BSN: variants seen among roughly 807,000 people sequenced by gnomAD.
BSN encodes bassoon presynaptic cytomatrix protein, also known as protein bassoon.
Under a neutral mutation model 264.8 loss-of-function variants are expected in BSN, and 57 were observed. That is an observed-to-expected ratio of 0.22 (90% confidence interval 0.17 to 0.27). BSN has a LOEUF of 0.27. Ranked by LOEUF, BSN falls within the 10% of genes least tolerant of loss-of-function variation. The probability of loss-of-function intolerance (pLI) is 1.00; values close to 1 mark genes in which losing one functional copy is unlikely to be tolerated. For synonymous variants in BSN, 2,059 were observed against 2,137.3 expected (o/e 0.96, Z 1.01); for missense variants, 4,615 against 5,232.5 (o/e 0.88, Z 3.64).
chr3:49,655,959 C>G lies in BSN; in HGVS notation c.6403C>G (p.Leu2135Val). The part of the protein sequence containing the change: ...VQYQPQHGPG[L>V]SAPQSLVPLR... ...GTACCAGCCCCAGCACGGGCCCGGG[C>G]TCAGTGCTCCACAGAGTCTGGTTCC... The change falls in exon 5 of 12, where the codon CTC becomes GTC. Residue 2135 changes from leucine (L) to valine (V), a missense_variant. Leu to Val is a conservative substitution (Grantham distance 32). This residue lies in a region of BSN where 3,415 missense variants were observed against 3,866.4 expected (regional missense o/e 0.88). Transcript: ENST00000296452. The G allele has an allele frequency of 6.2e-7, 1 of 1,610,340 alleles. No individual in the cohort carries two copies. Among genetic ancestry groups the G allele is most frequent in the Non-Finnish European group, 8.5e-7 (1 of 1,179,690 alleles).
chr3:49,655,622 C>T lies in BSN; in HGVS notation c.6066C>T (p.Ser2022=), dbSNP rs768307599. Residue 2022 remains serine (S), a synonymous_variant, in exon 5 of 12, where the codon TCC becomes TCT. Transcript: ENST00000296452. ...SAMDLSSLKH[S]YSLGFADGRY... ...TGGACCTCAGCTCACTGAAGCACTC[C>T]TACAGCCTGGGCTTTGCGGATGGAC... 12 of 1,613,614 alleles carry T rather than the reference C, an allele frequency of 7.4e-6. No individual in the cohort carries two copies. Among genetic ancestry groups the T allele is most frequent in the Non-Finnish European group, 1.0e-5 (12 of 1,180,006 alleles).
At chr3:49,565,571 C>A (rs886503208) in intron 1 of BSN, among the ~76,000 whole-genome samples, 1 of 152,108 alleles carries the variant, frequency 6.6e-6, no homozygotes, top group Non-Finnish European at 1.5e-5. Context: ...CCACCCGCCT[C>A]GGCCTCCCAA....
chr3:49,600,978 A>T (rs2052068950), intron 1 of BSN, among the ~76,000 whole-genome samples: 1 of 152,168 alleles, frequency 6.6e-6, no homozygotes, highest in South Asian at 2.1e-4. Context: ...GGAGCCAGTG[A>T]CAGAGGTGAC....
rs763800329 is a variant in BSN, at chr3:49,624,967, C to A, written c.225-8C>A. 1 of 1,502,764 alleles carries A rather than the reference C, an allele frequency of 6.7e-7. No homozygotes were observed. The highest frequency in any genetic ancestry group is 2.4e-5 in the Admixed American group (1 of 42,070). 93.1% of individuals were successfully genotyped at this position (1,502,764 alleles called of 1,614,324 possible). A position where few individuals can be genotyped will look rare whatever the true frequency, so the allele number is the denominator to read the frequency against. ...TATCTCTAACAGTCATTTTCAATGT[C>A]ATTTCAGCACTTCCCGGAGACTGGA... On this transcript the variant is annotated splice_region_variant and splice_polypyrimidine_tract_variant and intron_variant, in intron 1 of 11. Transcript: ENST00000296452.
Position 49,670,216 on chromosome 3 carries a change from C to T in BSN, c.*2731C>T, listed in dbSNP as rs1383633410. 3 of 152,326 alleles carry T rather than the reference C, an allele frequency of 2.0e-5. No homozygotes were observed. The highest frequency in any genetic ancestry group is 6.5e-5 in the Admixed American group (1 of 15,280). 9.4% of individuals were successfully genotyped at this position (152,326 alleles called of 1,614,324 possible). On this transcript the variant is annotated 3_prime_UTR_variant, in exon 12 of 12. Transcript: ENST00000296452. ...AGCAAGGGCTGAGGGAAGCCATCAC[C>T]TAACACCTCTGGCCACCCAGGACCA...
intron 1 of BSN, among the ~76,000 whole-genome samples, chr3:49,581,706 C>A (rs1397549503): frequency 6.6e-6 from 1 of 152,080 alleles, no homozygotes; most frequent in East Asian, 1.9e-4. Flanking sequence ...CGCCTGTAGT[C>A]CCAGCTACTT....
chr3:49,575,614 TGTATATATATA>T lies in BSN; in HGVS notation c.224+20799_224+20809del, dbSNP rs571564859. On this transcript the variant is annotated intron_variant, in intron 1 of 11. Transcript: ENST00000296452. ...AGTCAAATATATATACATATATATG[TGTATATATATA>T]GTATATATATGTATATATATGTGTG... Among the ~76,000 whole-genome samples, 38 of 139,938 alleles carry T rather than the reference TGTATATATATA, an allele frequency of 2.7e-4. No homozygotes were observed. In the South Asian group the frequency reaches 3.3e-3, roughly 12 times the overall value. The allele number at this position is 139,938 out of a possible 152,430, so 91.8% of individuals were successfully genotyped here.
At position 49,653,327 on chromosome 3, in the gene BSN, C is replaced by T. The variant is rs201055579; in HGVS notation, c.3771C>T (p.Tyr1257=). 46 of 1,611,914 alleles carry T rather than the reference C, an allele frequency of 2.9e-5. No homozygotes were observed. The highest frequency in any genetic ancestry group is 3.6e-5 in the Non-Finnish European group (43 of 1,179,326). The change falls in exon 5 of 12, where the codon TAC becomes TAT. Residue 1257 remains tyrosine, a synonymous_variant. Coordinates refer to ENST00000296452, the MANE Select transcript of BSN (RefSeq NM_003458.4). The surrounding 1 kb of genome is among the most constrained non-coding windows in gnomAD (Gnocchi z 6.3). ...GTPASLGAAV[Y]EEILQTSQSI... Reference sequence around the variant, plus strand: ...CAGCCAGCCTGGGAGCAGCCGTGTACGAAGAAATCCTTCAGACATCACAGA... The same window carrying T: ...CAGCCAGCCTGGGAGCAGCCGTGTATGAAGAAATCCTTCAGACATCACAGA...
rs770112031 is a variant in BSN at position 49,642,801 on chromosome 3, T to A, written c.1167T>A (p.Asn389Lys). 1 of 1,613,270 alleles carries A rather than the reference T, an allele frequency of 6.2e-7. No individual in the cohort carries two copies. Residue 389 changes from asparagine to lysine, a missense_variant, in exon 3 of 12, where the codon AAT becomes AAA. Around this residue, in one of 3 missense-constraint regions of BSN, gnomAD observed 1,197 missense variants for 1,348.0 expected, o/e 0.89. Coordinates refer to ENST00000296452, the MANE Select transcript of BSN (RefSeq NM_003458.4). The surrounding 1 kb of genome is among the most constrained non-coding windows in gnomAD (Gnocchi z 7.0). Reference sequence around the variant, plus strand: ...AGGGGACACCTAAGATCGTCTTCAATGATGCCAGCAAGGAGGCTGGCCCAA... The same window carrying A: ...AGGGGACACCTAAGATCGTCTTCAAAGATGCCAGCAAGGAGGCTGGCCCAA... ...PSKGTPKIVF[N>K]DASKEAGPKP...
chr3:49,617,629 C>T (rs2052271254), intron 1 of BSN, among the ~76,000 whole-genome samples: 1 of 152,144 alleles, frequency 6.6e-6, no homozygotes. Flanking sequence ...CTTCTTTCTC[C>T]TGCCCAGCGG....
chr3:49,554,689 C>CGGGCCG lies in BSN; in HGVS notation c.89_90insGCCGGG (p.Pro31_Gly32dup). 2.8e-6 allele frequency: 3 copies of CGGGCCG among 1,082,202 alleles called. No homozygotes were observed. The highest frequency in any genetic ancestry group is 3.4e-6 in the Non-Finnish European group (3 of 890,654). The allele number at this position is 1,082,202 out of a possible 1,614,324, so 67.0% of individuals were successfully genotyped here. Reference sequence around the variant, plus strand: ...CCGGCCCCGGCCCGGGCCCCGGCCCCGGCCCCGGCGCAGGAAAGCCGCCTT... The same window carrying CGGGCCG: ...CCGGCCCCGGCCCGGGCCCCGGCCCCGGGCCGGGCCCCGGCGCAGGAAAGCCGCCTT... On this transcript the variant is annotated inframe_insertion, in exon 1 of 12. Coordinates refer to ENST00000296452, the MANE Select transcript of BSN (RefSeq NM_003458.4).
At chr3:49,564,537 C>A (rs1336249126) in intron 1 of BSN, among the ~76,000 whole-genome samples, 8 of 152,206 alleles carry the variant, frequency 5.3e-5, no homozygotes, top group Non-Finnish European at 1.0e-4. Context: ...TTCTCCCCTT[C>A]CTAGGCCCTG....
intron 1 of BSN, among the ~76,000 whole-genome samples, chr3:49,608,611 C>G (rs951804019): frequency 6.6e-6 from 1 of 151,628 alleles, no homozygotes; most frequent in Non-Finnish European, 1.5e-5. Flanking sequence ...GGGTGGATCA[C>G]GAGGTCAGGA....
chr3:49,595,676 T>G (rs2052017734), intron 1 of BSN, among the ~76,000 whole-genome samples: 1 of 152,212 alleles, frequency 6.6e-6, no homozygotes, highest in African/African-American at 2.4e-5. Context: ...GTTTTTTAAG[T>G]GTATTCCTAT....
Position 49,661,204 on chromosome 3 carries a change from G to C in BSN, c.9359G>C (p.Gly3120Ala). Residue 3120 changes from glycine (G) to alanine (A), a missense_variant, in exon 6 of 12, where the codon GGC becomes GCC. Coordinates refer to ENST00000296452, the MANE Select transcript of BSN (RefSeq NM_003458.4). ...TTCCGCCCCACAGGCCACTATGCAG[G>C]CCAAACACCCATGCCAACCACACAG... ...QAFRPTGHYA[G>A]QTPMPTTQST... The C allele has an allele frequency of 6.2e-7, 1 of 1,613,650 alleles. No homozygotes were observed. The highest frequency in any genetic ancestry group is 8.5e-7 in the Non-Finnish European group (1 of 1,180,044).
Position 49,638,570 on chromosome 3 carries a change from CG to C in BSN, c.634-3696del, listed in dbSNP as rs930639559. On this transcript the variant is annotated intron_variant, in intron 2 of 11. Transcript: ENST00000296452. The surrounding 1 kb of genome is among the most constrained non-coding windows in gnomAD (Gnocchi z 4.3). ...CCTGGGAGGGGCTGTGGGGAGGGTG[CG>C]GTCAAGGTTCCTTACCGTCTGGAAG... is the stretch of plus-strand genomic sequence containing the variant. 6.6e-6 allele frequency among the ~76,000 whole-genome samples: 1 copy of C among 152,156 alleles called. No individual in the cohort carries two copies. Among genetic ancestry groups the C allele is most frequent in the Non-Finnish European group, 1.5e-5 (1 of 68,020 alleles).
Position 49,663,339 on chromosome 3 carries a change from A to T in BSN, c.11181A>T (p.Gln3727His), listed in dbSNP as rs200851033. 7 of 1,613,830 alleles carry T rather than the reference A, an allele frequency of 4.3e-6. No individual in the cohort carries two copies. The African/African-American group carries it at 9.3e-5, about 21-fold the overall frequency. ...CTGACAGCAAGAAGGGCTCCCGGCA[A>T]GCCCACTCCGGGCCCGCTGCACTGC... The part of the protein sequence containing the change: ...HASDSKKGSR[Q>H]AHSGPAALQS... The change falls in exon 7 of 12, where the codon CAA becomes CAT. Residue 3727 changes from glutamine to histidine, a missense_variant. Physicochemically the swap from Gln to His is conservative, Grantham distance 24. Coordinates refer to ENST00000296452, the MANE Select transcript of BSN (RefSeq NM_003458.4).
intron 2 of BSN, among the ~76,000 whole-genome samples, chr3:49,634,147 G>A (rs1016863686): frequency 6.6e-6 from 1 of 151,664 alleles, no homozygotes; most frequent in Admixed American, 6.6e-5. Flanking sequence ...GGCGGAGGTT[G>A]CAGTGAGCTG....
intron 1 of BSN, among the ~76,000 whole-genome samples, chr3:49,607,253 A>G (rs1043886431): frequency 2.6e-5 from 4 of 152,176 alleles, no homozygotes; most frequent in Non-Finnish European, 5.9e-5. Context: ...TTGTCAAGCC[A>G]GGGAAGGAAG....
Sources: gnomAD v4.1 joint callset for allele counts (sites outside exome capture counted in the v4.1 genomes callset) on GRCh38, gnomAD v4.1.1 for gene constraint, gnomAD v4.1.1 regional missense constraint, Gnocchi (gnomAD v3.1) non-coding constraint, MANE v1.5 for transcripts, NCBI Gene and HGNC (gene_info 2026-07-23, HGNC 2026-07-21) for gene names.